FAM227A: variants seen among roughly 807,000 people sequenced by gnomAD.
FAM227A encodes the protein family with sequence similarity 227 member A, also known as protein FAM227A.
Under a neutral mutation model 74.7 loss-of-function variants are expected in FAM227A, and 80 were observed. The observed-to-expected ratio is 1.07, with a 90% CI of 0.89 to 1.29. The LOEUF is 1.29. Ranked by LOEUF, FAM227A falls within the 50% of genes most tolerant of loss-of-function variation. The probability of loss-of-function intolerance (pLI) is 0.00; values close to 1 mark genes in which losing one functional copy is unlikely to be tolerated. For synonymous variants in FAM227A, 237 were observed against 241.8 expected, an observed-to-expected ratio of 0.98 and a Z score of 0.19; for missense variants, 654 against 683.4, an observed-to-expected ratio of 0.96 and a Z score of 0.48.
intron 11 of FAM227A, chr22:38,618,284 A>G (rs2091619028): frequency 6.6e-6 from 1 of 152,252 alleles, no homozygotes; most frequent in Non-Finnish European, 1.5e-5. Context: ...TCCCATCTCC[A>G]GTACCAGGAA....
chr22:38,651,799 T>G (rs2092327064), intron 1 of FAM227A, among the ~76,000 whole-genome samples: 1 of 152,226 alleles, frequency 6.6e-6, no homozygotes, highest in Non-Finnish European at 1.5e-5. Context: ...CAATATGATG[T>G]GCTGGGGGCA....
At chr22:38,635,791 G>A (rs755301851) in intron 6 of FAM227A, among the ~76,000 whole-genome samples, 1 of 152,132 alleles carries the variant, frequency 6.6e-6, no homozygotes, top group Non-Finnish European at 1.5e-5. Context: ...CTTGAGCCCT[G>A]GAGTTGGAGA....
intron 16 of FAM227A, 43 bp downstream of exon 16, chr22:38,591,392 T>C: frequency 1.3e-6 from 2 of 1,541,108 alleles, no homozygotes; most frequent in Non-Finnish European, 1.7e-6. Flanking sequence ...CCATGGTTTT[T>C]GTTCGAACAA....
intron 1 of FAM227A, among the ~76,000 whole-genome samples, chr22:38,652,238 GA>G (rs779747965): frequency 7.5e-4 from 114 of 151,776 alleles, no homozygotes; most frequent in South Asian, 2.3e-3. Flanking sequence ...GAGGCGATAT[GA>G]AAAAAAGAAA....
chr22:38,598,606 C>T (rs1007440551), intron 14 of FAM227A, among the ~76,000 whole-genome samples: 3 of 152,204 alleles, frequency 2.0e-5, no homozygotes, highest in African/African-American at 7.2e-5. Context: ...ACGCAAAGTC[C>T]TCCTAGTTCA....
At chr22:38,624,331 G>A (rs1255098840) in intron 9 of FAM227A, among the ~76,000 whole-genome samples, 1 of 151,982 alleles carries the variant, frequency 6.6e-6, no homozygotes, top group African/African-American at 2.4e-5. Context: ...CTTGCACCCT[G>A]GAGGCAGAGA....
At chr22:38,607,362 C>A in intron 12 of FAM227A, 27 bp downstream of exon 12, 2 of 1,499,130 alleles carry the variant, frequency 1.3e-6, no homozygotes, top group Non-Finnish European at 1.8e-6. Flanking sequence ...CAAAAGCCTA[C>A]ATTTCCCTTT....
intron 11 of FAM227A, 37 bp from the exon 12 acceptor site, chr22:38,607,513 CGAGA>C (rs772639441): frequency 9.7e-6 from 13 of 1,339,344 alleles, no homozygotes; most frequent in South Asian, 2.6e-5. Context: ...AGGGAGAAAG[CGAGA>C]GAGAGAGAAC....
chr22:38,608,795 T>A (rs1399122051), intron 11 of FAM227A, among the ~76,000 whole-genome samples: 2 of 43,936 alleles, frequency 4.6e-5, no homozygotes. Flanking sequence ...CCTTGTTCCT[T>A]TTTTTTTTTT....
chr22:38,651,327 T>C (rs1003715216), intron 1 of FAM227A, among the ~76,000 whole-genome samples: 5 of 152,216 alleles, frequency 3.3e-5, no homozygotes, highest in African/African-American at 1.2e-4. Flanking sequence ...ACTAGGCAAA[T>C]TATGGATTAA....
intron 15 of FAM227A, among the ~76,000 whole-genome samples, chr22:38,594,048 T>C (rs949259023): frequency 2.0e-5 from 3 of 152,192 alleles, no homozygotes; most frequent in Non-Finnish European, 4.4e-5. Flanking sequence ...GCCTTTTTGA[T>C]GCAGAATTTT....
chr22:38,636,107 C>CAAAAA (rs147256974), intron 6 of FAM227A, among the ~76,000 whole-genome samples: 20 of 149,232 alleles, frequency 1.3e-4, no homozygotes, highest in African/African-American at 5.0e-4. Flanking sequence ...AAGAAGGAAA[C>CAAAAA]AGAAAAGAAA....
chr22:38,607,809 T>G (rs1374448732), intron 11 of FAM227A, among the ~76,000 whole-genome samples: 1 of 152,178 alleles, frequency 6.6e-6, no homozygotes, highest in Non-Finnish European at 1.5e-5. Flanking sequence ...AGCAAATGCA[T>G]GCAAATTACA....
chr22:38,582,252 C>A lies in FAM227A; in HGVS notation c.*3873G>T. The A allele has an allele frequency of 7.6e-7, 1 of 1,313,008 alleles. No individual in the cohort carries two copies. Among genetic ancestry groups the A allele is most frequent in the Non-Finnish European group, 1.1e-6 (1 of 949,386 alleles). 81.3% of individuals were successfully genotyped at this position (1,313,008 alleles called of 1,614,324 possible). ...CCCCTCTCCAGCTATCCCTCCTGTTCTTCAGGAAACTGTATGTTCTAAAAC... is the reference window on the plus strand; with the variant it reads ...CCCCTCTCCAGCTATCCCTCCTGTTATTCAGGAAACTGTATGTTCTAAAAC... On this transcript the variant is annotated 3_prime_UTR_variant, in exon 17 of 17. Coordinates refer to ENST00000535113, the MANE Select transcript of FAM227A (RefSeq NM_001013647.2).
At chr22:38,625,933 ACT>A (rs1212097755) in intron 9 of FAM227A, among the ~76,000 whole-genome samples, 2 of 137,224 alleles carry the variant, frequency 1.5e-5, no homozygotes, top group South Asian at 4.7e-4. Flanking sequence ...ACCGAGCGAG[ACT>A]CTATCTCCAA....
At chr22:38,650,400 A>T in intron 1 of FAM227A, 138 bp from the exon 2 acceptor site, 1 of 522,346 alleles carries the variant, frequency 1.9e-6, no homozygotes, top group Middle Eastern at 5.2e-4. Context: ...CCGTCTGAGA[A>T]GCCTATTCTT....
At position 38,636,458 on chromosome 22, in the gene FAM227A, C is replaced by A. The variant is rs2092008650; in HGVS notation, c.512G>T (p.Ser171Ile). Residue 171 changes from serine (S) to isoleucine (I), a missense_variant, in exon 6 of 17, where the codon AGT (serine) becomes ATT (isoleucine). Ser to Ile is a moderately radical substitution (Grantham distance 142). Transcript: ENST00000535113. ...NVVRAERDCL[S>I]GKHFCSGREL... is the part of the protein sequence containing the mutation. ...GCACTGCTTTTTCCTCACCTTGCCA[C>A]TAAGGCAGTCTCTCTCAGCCCGGAC... 1.3e-6 allele frequency: 2 copies of A among 1,551,144 alleles called. No homozygotes were observed. The highest frequency in any genetic ancestry group is 1.7e-6 in the Non-Finnish European group (2 of 1,146,760).
At chr22:38,623,878 G>A (rs1039796721) in intron 9 of FAM227A, among the ~76,000 whole-genome samples, 3 of 152,160 alleles carry the variant, frequency 2.0e-5, no homozygotes, top group African/African-American at 7.2e-5. Context: ...CTCTTTACGT[G>A]TTTGACAGTG....
intron 11 of FAM227A, among the ~76,000 whole-genome samples, chr22:38,616,938 G>C (rs2091589982): frequency 6.6e-6 from 1 of 152,110 alleles, no homozygotes; most frequent in African/African-American, 2.4e-5. Flanking sequence ...AGGGTGCAGA[G>C]GGGGGCAGGC....
Sources: allele counts gnomAD v4.1 joint callset (sites outside exome capture counted in the v4.1 genomes callset), GRCh38; gene constraint gnomAD v4.1.1; transcripts MANE v1.5; gene names NCBI Gene and HGNC (gene_info 2026-07-23, HGNC 2026-07-21).